Variants in CASK observed in about 807,000 individuals in gnomAD.
CASK encodes calcium/calmodulin dependent serine protein kinase.
In CASK, 4 loss-of-function variants were observed where a neutral mutation model predicts 82.9. That is an observed-to-expected ratio of 0.05 (90% CI 0.02 to 0.11). The LOEUF is 0.11. Ranked by LOEUF, CASK falls within the 10% of genes least tolerant of loss-of-function variation. The probability of loss-of-function intolerance (pLI) is 1.00; values close to 1 mark genes in which losing one functional copy is unlikely to be tolerated. For missense variants in CASK, 358 were observed against 720.9 expected, an observed-to-expected ratio of 0.50 and a Z score of 5.76; for synonymous variants, 259 against 253.5, an observed-to-expected ratio of 1.02 and a Z score of -0.20.
At chrX:41,708,736 A>G (rs757358770) in intron 5 of CASK, among the ~76,000 whole-genome samples, 3 of 112,319 alleles carry the variant, frequency 2.7e-5, no homozygotes, top group Non-Finnish European at 3.8e-5. Context: ...ATGCGTCAGC[A>G]AAAGTGGTTT....
intron 2 of CASK, among the ~76,000 whole-genome samples, chrX:41,806,784 G>T (rs1602652437): frequency 8.9e-6 from 1 of 111,955 alleles, no homozygotes; most frequent in East Asian, 2.8e-4. Flanking sequence ...GGAAATGTGT[G>T]TGTATGTATG....
chrX:41,729,994 G>A (rs144071678), intron 5 of CASK: 4 of 115,749 alleles, frequency 3.5e-5, no homozygotes, highest in South Asian at 4.3e-4. Flanking sequence ...AAAAAAAAGC[G>A]TGTACTATCT....
chrX:41,768,779 G>A (rs1277264427), intron 3 of CASK, among the ~76,000 whole-genome samples: 1 of 111,423 alleles, frequency 9.0e-6, no homozygotes, highest in East Asian at 2.8e-4. Flanking sequence ...ACCAGCCTAG[G>A]CAAGCAAGGG....
intron 2 of CASK, among the ~76,000 whole-genome samples, chrX:41,845,871 C>T (rs769382983): frequency 9.0e-6 from 1 of 111,495 alleles, no homozygotes; most frequent in South Asian, 3.8e-4. Context: ...CCTTTTACTA[C>T]ACTTCCTTTT....
At chrX:41,868,051 A>G (rs956701662) in intron 1 of CASK, among the ~76,000 whole-genome samples, 1 of 112,395 alleles carries the variant, frequency 8.9e-6, no homozygotes, top group African/African-American at 3.2e-5. Flanking sequence ...AGAAAACTTC[A>G]TGGTTCCTAA....
At chrX:41,602,290 T>C in intron 12 of CASK, among the ~76,000 whole-genome samples, 1 of 111,891 alleles carries the variant, frequency 8.9e-6, no homozygotes, top group Non-Finnish European at 1.9e-5. Flanking sequence ...TCATAGCATT[T>C]TTTAGTTTTC....
intron 3 of CASK, among the ~76,000 whole-genome samples, chrX:41,777,472 G>C: frequency 9.7e-6 from 1 of 102,955 alleles, no homozygotes; most frequent in Non-Finnish European, 2.0e-5. Flanking sequence ...CTGGGCGACA[G>C]AGCGAGACAT....
At chrX:41,626,826 G>A (rs2066386557) in intron 9 of CASK, 123 bp from the exon 10 acceptor site, 2 of 498,752 alleles carry the variant, frequency 4.0e-6, no homozygotes, top group Non-Finnish European at 6.9e-6. Flanking sequence ...ATGATGGCTA[G>A]AAGAGAGGTA....
intron 16 of CASK, among the ~76,000 whole-genome samples, chrX:41,565,334 G>A (rs1602270456): frequency 9.0e-6 from 1 of 111,446 alleles, no homozygotes; most frequent in African/African-American, 3.3e-5. Flanking sequence ...TTGATAGACC[G>A]CTAGCAAGAC....
At chrX:41,878,951 A>G (rs1303003442) in intron 1 of CASK, among the ~76,000 whole-genome samples, 1 of 111,752 alleles carries the variant, frequency 8.9e-6, no homozygotes, top group Non-Finnish European at 1.9e-5. Context: ...TGAGCTCAGC[A>G]GAGATAATTT....
intron 8 of CASK, among the ~76,000 whole-genome samples, chrX:41,645,014 A>G (rs1393645693): frequency 9.0e-6 from 1 of 111,459 alleles, no homozygotes; most frequent in Non-Finnish European, 1.9e-5. Context: ...CCTTGCCTCC[A>G]CTTGCCTTGT....
At chrX:41,650,348 C>T (rs1323417988) in intron 8 of CASK, among the ~76,000 whole-genome samples, 2 of 111,099 alleles carry the variant, frequency 1.8e-5, no homozygotes, top group Non-Finnish European at 3.8e-5. Flanking sequence ...TTCCTAGCAT[C>T]GATGGTCTTT....
At chrX:41,628,900 G>A (rs1365144072) in intron 9 of CASK, among the ~76,000 whole-genome samples, 3 of 111,735 alleles carry the variant, frequency 2.7e-5, no homozygotes, top group South Asian at 3.7e-4. Flanking sequence ...TCCCACACAC[G>A]GAAACTAGGC....
intron 5 of CASK, chrX:41,724,357 G>A (rs903460106): frequency 8.9e-6 from 1 of 112,537 alleles, no homozygotes; most frequent in Non-Finnish European, 1.9e-5. Flanking sequence ...GGACCTAATG[G>A]TTTAAATTTT....
At chrX:41,700,645 T>C (rs2067775963) in intron 5 of CASK, among the ~76,000 whole-genome samples, 2 of 99,029 alleles carry the variant, frequency 2.0e-5, no homozygotes, top group South Asian at 1.1e-3. Context: ...AGTGGTGCAA[T>C]CTTGGCTCAC....
chrX:41,712,775 T>C (rs933772086), intron 5 of CASK, among the ~76,000 whole-genome samples: 1 of 112,478 alleles, frequency 8.9e-6, no homozygotes, highest in Non-Finnish European at 1.9e-5. Flanking sequence ...ATCGTGAACC[T>C]AAGATTGGCC....
intron 15 of CASK, chrX:41,571,008 T>C (rs771621000): frequency 7.9e-4 from 89 of 112,446 alleles, no homozygotes; most frequent in African/African-American, 2.9e-3. Context: ...TATTTTAGTA[T>C]ATGTGCTGCT....
At chrX:41,723,179 G>C (rs967497714) in intron 5 of CASK, among the ~76,000 whole-genome samples, 8 of 112,312 alleles carry the variant, frequency 7.1e-5, no homozygotes, top group Admixed American at 4.7e-4. Context: ...GGGTTTATGA[G>C]AAATGGCAAG....
At chrX:41,677,488 T>C (rs1030987424) in intron 5 of CASK, among the ~76,000 whole-genome samples, 2 of 111,986 alleles carry the variant, frequency 1.8e-5, no homozygotes, top group Admixed American at 1.9e-4. Flanking sequence ...TAGTCATCAA[T>C]GTTACAAAGG....
Sources: gnomAD v4.1 joint callset for allele counts (sites outside exome capture counted in the v4.1 genomes callset) on GRCh38, gnomAD v4.1.1 for gene constraint, MANE v1.5 for transcripts, NCBI Gene and HGNC (gene_info 2026-07-23, HGNC 2026-07-21) for gene names.